AP2A2: variants seen among roughly 807,000 people sequenced by gnomAD.
AP2A2 encodes the protein adaptor related protein complex 2 subunit alpha 2.
In AP2A2, 32 loss-of-function variants were observed where a neutral mutation model predicts 104.2. The ratio of observed to expected loss-of-function variants is 0.31; its 90% CI spans 0.23 to 0.41. The LOEUF (loss-of-function observed/expected upper bound fraction) is 0.41, where lower values mean the gene tolerates loss of function less well. Ranked by LOEUF, AP2A2 falls within the 10% of genes least tolerant of loss-of-function variation. The pLI is 1.00. For synonymous variants in AP2A2, 539 were observed against 533.3 expected (o/e 1.01, Z -0.15); for missense variants, 912 against 1,261.0 (o/e 0.72, Z 4.19).
intron 4 of AP2A2, among the ~76,000 whole-genome samples, chr11:974,195 C>T (rs553755579): frequency 1.3e-4 from 19 of 151,052 alleles, no homozygotes; most frequent in African/African-American, 4.4e-4. Flanking sequence ...GAGTGGGTGG[C>T]CCGTGTTCTG....
rs768724916 is a variant in AP2A2 at position 972,057 on chromosome 11, C to A, written c.280-5C>A. On this transcript the variant is annotated splice_polypyrimidine_tract_variant and splice_region_variant and intron_variant, in intron 3 of 21. Transcript: ENST00000448903. Reference sequence around the variant, plus strand: ...CTTTCTCTTCTCCTGTCTTTTGGAACGCAGGGCTACCTTTTCATCTCTGTG... The same window carrying A: ...CTTTCTCTTCTCCTGTCTTTTGGAAAGCAGGGCTACCTTTTCATCTCTGTG... 6.2e-7 allele frequency: 1 copy of A among 1,609,892 alleles called. No homozygotes were observed. Among genetic ancestry groups the A allele is most frequent in the Non-Finnish European group, 8.5e-7 (1 of 1,177,866 alleles).
chr11:957,526 C>G (rs1279518326), intron 1 of AP2A2, among the ~76,000 whole-genome samples: 1 of 152,226 alleles, frequency 6.6e-6, no homozygotes, highest in African/African-American at 2.4e-5. Flanking sequence ...ATGGCCAGCT[C>G]CACGACAGAA....
chr11:985,892 G>A (rs901977303), intron 8 of AP2A2, among the ~76,000 whole-genome samples: 1 of 152,226 alleles, frequency 6.6e-6, no homozygotes, highest in African/African-American at 2.4e-5. Context: ...CGGGTGGGGT[G>A]GGGGGTGTGC....
At position 1,006,677 on chromosome 11, in the gene AP2A2, C is replaced by T. The variant is rs887129581; in HGVS notation, c.2296+60C>T. ...AGCATAATGTGGGGCTTAGAGGAGG[C>T]TTTTGAGGAAGTTTTTTGGTTTTCT... On this transcript the variant is annotated intron_variant, in intron 17 of 21. Transcript: ENST00000448903. 9.0e-6 allele frequency: 12 copies of T among 1,327,692 alleles called. No homozygotes were observed. The African/African-American group carries it at 1.6e-4, about 18-fold the overall frequency. 82.2% of individuals were successfully genotyped at this position (1,327,692 alleles called of 1,614,324 possible). A position where few individuals can be genotyped will look rare whatever the true frequency, so the allele number is the denominator to read the frequency against.
In AP2A2 at chr11:1,011,448, C is replaced by T; in HGVS notation, c.*823C>T. ...GGCCACGGTGCAGGCCTGAGTCCTT[C>T]CACCGGCCCCGTCCAGTCGTCCCTG... On this transcript the variant is annotated 3_prime_UTR_variant, in exon 22 of 22. Transcript: ENST00000448903. The T allele has an allele frequency of 2.0e-6, 1 of 496,400 alleles. No individual in the cohort carries two copies. The highest frequency in any genetic ancestry group is 2.1e-5 in the Admixed American group (1 of 47,406). 30.7% of individuals were successfully genotyped at this position (496,400 alleles called of 1,614,324 possible).
At position 1,000,475 on chromosome 11, in the gene AP2A2, C is replaced by T. The variant is rs752700478; in HGVS notation, c.2000C>T (p.Ala667Val). The stretch of plus-strand genomic sequence containing the variant: ...GCAGACCTGCTGGGTCTCGGGGCTG[C>T]CCCCCCTGCCCCCGCGGGCCCCCCA... ...PSADLLGLGAAPPAPAGPPPS... is the reference protein window; with the variant it reads ...PSADLLGLGAVPPAPAGPPPS... Residue 667 changes from alanine (A) to valine (V), a missense_variant, in exon 15 of 22, where the codon GCC becomes GTC. Coordinates refer to ENST00000448903, the MANE Select transcript of AP2A2 (RefSeq NM_012305.4). 1.9e-5 allele frequency: 29 copies of T among 1,538,326 alleles called. No homozygotes were observed. The East Asian group carries it at 3.4e-4, about 18-fold the overall frequency.
rs542491578 is a variant in AP2A2, at chr11:948,950, T to TA, written c.68-10486dup. Among the ~76,000 whole-genome samples the TA allele has an allele frequency of 8.7e-4, 132 of 152,116 alleles. 1 individual carries two copies. Among genetic ancestry groups the TA allele is most frequent in the Non-Finnish European group, 1.6e-3 (106 of 67,986 alleles). ...GTGGCTTCTCTAGAAAAGTCACACT[T>TA]ACTGAGCTTGTCATTATTTGAGTTC... On this transcript the variant is annotated intron_variant, in intron 1 of 21. Transcript: ENST00000448903.
At position 1,010,495 on chromosome 11, in the gene AP2A2, A is replaced by C. The variant is rs1856389934; in HGVS notation, c.2743-53A>C. 1.2e-5 allele frequency: 17 copies of C among 1,457,358 alleles called. No individual in the cohort carries two copies. The South Asian group carries it at 2.1e-4, about 18-fold the overall frequency. The allele number at this position is 1,457,358 out of a possible 1,614,324, so 90.3% of individuals were successfully genotyped here. A position where few individuals can be genotyped will look rare whatever the true frequency, so the allele number is the denominator to read the frequency against. On this transcript the variant is annotated intron_variant, in intron 21 of 21. Coordinates refer to ENST00000448903, the MANE Select transcript of AP2A2 (RefSeq NM_012305.4). ...TTCTGCATGGCGGATCCTGGACCCG[A>C]GGGCTGTGTGAGCCTCGGCGTGCCC...
intron 10 of AP2A2, among the ~76,000 whole-genome samples, chr11:991,810 G>C (rs1014488860): frequency 6.6e-6 from 1 of 152,100 alleles, no homozygotes; most frequent in African/African-American, 2.4e-5. Flanking sequence ...GTGCCCTCGG[G>C]AGGTGCGCGG....
intron 10 of AP2A2, among the ~76,000 whole-genome samples, chr11:991,414 A>C (rs983719960): frequency 2.0e-5 from 3 of 152,148 alleles, no homozygotes; most frequent in Non-Finnish European, 4.4e-5. Flanking sequence ...GGACTTCTGC[A>C]GAAGGTGATA....
chr11:935,866 A>G (rs1290415016), intron 1 of AP2A2, among the ~76,000 whole-genome samples: 3 of 140,530 alleles, frequency 2.1e-5, no homozygotes, highest in African/African-American at 8.0e-5. Context: ...AGTGCTGGGA[A>G]TTACAGGCGT....
intron 9 of AP2A2, 86 bp from the exon 10 acceptor site, chr11:988,466 A>C: frequency 6.6e-7 from 1 of 1,512,600 alleles, no homozygotes; most frequent in African/African-American, 1.4e-5. Flanking sequence ...GTGGGTGTTG[A>C]GATGCGGGTG....
At chr11:1,003,183 G>A (rs772206517) in intron 15 of AP2A2, among the ~76,000 whole-genome samples, 1 of 152,234 alleles carries the variant, frequency 6.6e-6, no homozygotes, top group Non-Finnish European at 1.5e-5. Flanking sequence ...CTCCCTGTGC[G>A]GTGTAGACAC....
At chr11:929,148 C>T (rs1309194038) in intron 1 of AP2A2, among the ~76,000 whole-genome samples, 10 of 152,156 alleles carry the variant, frequency 6.6e-5, no homozygotes, top group Admixed American at 4.6e-4. Flanking sequence ...TGCCTGGAGA[C>T]GGGATTGGAG....
chr11:929,996 C>A (rs1215984493), intron 1 of AP2A2, among the ~76,000 whole-genome samples: 1 of 151,938 alleles, frequency 6.6e-6, no homozygotes, highest in Non-Finnish European at 1.5e-5. Flanking sequence ...TGGCATGCAC[C>A]TGTAGTCCCA....
intron 10 of AP2A2, among the ~76,000 whole-genome samples, chr11:990,405 T>A (rs905093120): frequency 6.6e-6 from 1 of 152,172 alleles, no homozygotes; most frequent in African/African-American, 2.4e-5. Flanking sequence ...GGGGTGGGGC[T>A]GGCTCTGGGG....
intron 1 of AP2A2, among the ~76,000 whole-genome samples, chr11:927,651 A>G (rs981722000): frequency 2.6e-5 from 4 of 151,934 alleles, no homozygotes; most frequent in African/African-American, 9.7e-5. Context: ...CCCTGTCTCT[A>G]CAAAAAAATA....
chr11:967,040 G>A (rs865973722), intron 2 of AP2A2, among the ~76,000 whole-genome samples: 1 of 152,044 alleles, frequency 6.6e-6, no homozygotes, highest in Middle Eastern at 3.2e-3. Flanking sequence ...GGTGGCGTGT[G>A]CCTGTAATCC....
At chr11:985,288 C>T (rs1353131669) in intron 7 of AP2A2, 147 bp from the exon 8 acceptor site, 1 of 1,118,016 alleles carries the variant, frequency 8.9e-7, no homozygotes, top group Non-Finnish European at 1.2e-6. Flanking sequence ...CGGCCTGTCT[C>T]AGTTTTGTAA....
Sources: allele counts gnomAD v4.1 joint callset (sites outside exome capture counted in the v4.1 genomes callset), GRCh38; gene constraint gnomAD v4.1.1; transcripts MANE v1.5; gene names NCBI Gene and HGNC (gene_info 2026-07-23, HGNC 2026-07-21).